Variants in RANBP2 observed in about 807,000 individuals in gnomAD.
The protein encoded by RANBP2 is RAN binding protein 2.
RANBP2 carries 57 observed loss-of-function variants against 303.6 expected under a neutral mutation model. The ratio of observed to expected loss-of-function variants is 0.19; its 90% CI spans 0.15 to 0.23. The LOEUF (loss-of-function observed/expected upper bound fraction) is 0.23, where lower values mean the gene tolerates loss of function less well. Among genes scored for constraint, RANBP2 ranks in the 10% least tolerant of loss-of-function variants. RANBP2 has a pLI of 1.00. For missense variants in RANBP2, 3,138 were observed against 3,780.8 expected (o/e 0.83, Z 4.46); for synonymous variants, 1,167 against 1,301.5 (o/e 0.90, Z 2.23).
At chr2:109,702,245 C>T in the RANBP2 span, among the ~76,000 whole-genome samples, 3 of 152,078 alleles carry the variant, frequency 2.0e-5, no homozygotes, top group African/African-American at 4.8e-5. Flanking sequence ...ATGTGGAAAG[C>T]CCTCTAGAGA....
In RANBP2 at chr2:108,772,477, T is replaced by C. The variant is rs1351807532; in HGVS notation, c.8021-12T>C. On this transcript the variant is annotated splice_polypyrimidine_tract_variant and intron_variant, in intron 21 of 28. Transcript: ENST00000283195. Reference sequence around the variant, plus strand: ...ATTAACTAGAAATTCTTTTAATCAATTGTATTTTAAGATGAAGATTTCGAA... The same window carrying C: ...ATTAACTAGAAATTCTTTTAATCAACTGTATTTTAAGATGAAGATTTCGAA... The C allele has an allele frequency of 3.1e-6, 5 of 1,605,870 alleles. No homozygotes were observed. The African/African-American group carries it at 4.0e-5, about 13-fold the overall frequency.
chr2:109,453,839 G>A, the RANBP2 span, among the ~76,000 whole-genome samples: 1 of 152,220 alleles, frequency 6.6e-6, no homozygotes, highest in Admixed American at 6.5e-5. Context: ...GGTCAGGGGA[G>A]ACTTCCCGGG....
At chr2:109,614,231 C>A in the RANBP2 span, 1 of 871,642 alleles carries the variant, frequency 1.1e-6, no homozygotes, top group Non-Finnish European at 1.5e-6. Context: ...CGAGGCCGCC[C>A]TAGGTAGGTG....
chr2:108,732,700 T>C (rs945916686), intron 4 of RANBP2, among the ~76,000 whole-genome samples: 17 of 152,246 alleles, frequency 1.1e-4, no homozygotes, highest in Admixed American at 5.2e-4. Flanking sequence ...CCTTTTGTAG[T>C]GATGCTATTT....
At chr2:108,835,420 T>TA in the RANBP2 span, among the ~76,000 whole-genome samples, 4 of 152,172 alleles carry the variant, frequency 2.6e-5, no homozygotes, top group East Asian at 1.9e-4. Flanking sequence ...CTATTTCTAA[T>TA]AAAAAAATTC....
the RANBP2 span, chr2:109,585,856 CA>C: frequency 2.0e-6 from 3 of 1,487,974 alleles, no homozygotes; most frequent in Non-Finnish European, 2.8e-6. Context: ...AAAATAAAAA[CA>C]AAAACAACAG....
the RANBP2 span, among the ~76,000 whole-genome samples, chr2:109,364,133 C>T: frequency 6.6e-6 from 1 of 150,986 alleles, no homozygotes; most frequent in Non-Finnish European, 1.5e-5. Flanking sequence ...TGAAGTTGTC[C>T]TGCAGTTCTT....
the RANBP2 span, among the ~76,000 whole-genome samples, chr2:109,109,920 C>T: frequency 1.3e-5 from 2 of 152,120 alleles, no homozygotes; most frequent in Non-Finnish European, 2.9e-5. Context: ...ATTGAGCACG[C>T]ACCCCCCACA....
At chr2:108,786,129 C>CA (rs5833303), downstream of RANBP2, among the ~76,000 whole-genome samples, 36,258 of 143,810 alleles carry the variant, frequency 0.25, 4,699 homozygotes, top group African/African-American at 0.34. Flanking sequence ...TTTTTCTTTT[C>CA]AAAAAAAAAA....
the RANBP2 span, among the ~76,000 whole-genome samples, chr2:109,611,208 T>C: frequency 6.6e-6 from 1 of 152,066 alleles, no homozygotes; most frequent in Non-Finnish European, 1.5e-5. Flanking sequence ...ATAACATAAA[T>C]GTAAAACATA....
At chr2:109,433,684 A>G in the RANBP2 span, among the ~76,000 whole-genome samples, 1 of 152,210 alleles carries the variant, frequency 6.6e-6, no homozygotes, top group Non-Finnish European at 1.5e-5. Context: ...TGACTTGAGC[A>G]GCTCTAGTTC....
At chr2:108,879,669 TG>T in the RANBP2 span, among the ~76,000 whole-genome samples, 1 of 152,312 alleles carries the variant, frequency 6.6e-6, no homozygotes, top group African/African-American at 2.4e-5. Flanking sequence ...CTTTGTGAGA[TG>T]GGTCTTTTAA....
Position 108,784,018 on chromosome 2 carries a change from T to A in RANBP2, c.*117T>A. 1 of 997,048 alleles carries A rather than the reference T, an allele frequency of 1.0e-6. No homozygotes were observed. Among genetic ancestry groups the A allele is most frequent in the Non-Finnish European group, 1.5e-6 (1 of 679,560 alleles). 61.8% of individuals were successfully genotyped at this position (997,048 alleles called of 1,614,324 possible). A position where few individuals can be genotyped will look rare whatever the true frequency, so the allele number is the denominator to read the frequency against. On this transcript the variant is annotated 3_prime_UTR_variant, in exon 29 of 29. Coordinates refer to ENST00000283195, the MANE Select transcript of RANBP2 (RefSeq NM_006267.5). ...AATGGACGTTTCCGATTTACAAATG[T>A]AAAATTGCAGCTTATAGCTGTTGTC...
Position 108,754,919 on chromosome 2 carries a change from G to A in RANBP2, c.2217G>A (p.Leu739=), listed in dbSNP as rs760543266. ...LSVVKKLPVP[L]ESVKEMLNSV... ...TTTATTTTTAGTTGCCTGTGCCCCT[G>A]GAGTCTGTAAAAGAGATGCTTAATT... Residue 739 remains leucine, a synonymous_variant, in exon 16 of 29, where the codon CTG becomes CTA. Transcript: ENST00000283195. 1.9e-6 allele frequency: 3 copies of A among 1,611,658 alleles called. No homozygotes were observed. In the East Asian group the frequency reaches 6.7e-5, roughly 36 times the overall value.
At chr2:108,974,248 T>C in the RANBP2 span, among the ~76,000 whole-genome samples, 3 of 134,364 alleles carry the variant, frequency 2.2e-5, no homozygotes, top group African/African-American at 5.8e-5. Flanking sequence ...GAGAATGGCA[T>C]GAACCCGGGA....
the RANBP2 span, among the ~76,000 whole-genome samples, chr2:109,090,551 T>A: frequency 6.6e-6 from 1 of 152,176 alleles, no homozygotes; most frequent in South Asian, 2.1e-4. Context: ...CTCCAGCTTC[T>A]GGAGCAAAAT....
At chr2:109,381,591 T>G in the RANBP2 span, among the ~76,000 whole-genome samples, 6 of 152,000 alleles carry the variant, frequency 3.9e-5, no homozygotes, top group African/African-American at 1.5e-4. Context: ...TCCCTTTCAC[T>G]TCTACCTTTC....
At chr2:108,824,658 G>A in the RANBP2 span, among the ~76,000 whole-genome samples, 2 of 152,128 alleles carry the variant, frequency 1.3e-5, no homozygotes, top group Non-Finnish European at 2.9e-5. Context: ...GTATAGTGTA[G>A]CAAATATGTA....
chr2:109,724,801 A>G, the RANBP2 span, among the ~76,000 whole-genome samples: 1 of 152,220 alleles, frequency 6.6e-6, no homozygotes, highest in Non-Finnish European at 1.5e-5. Context: ...TACAAAGATA[A>G]CAGAAGAGGG....
Sources: allele counts gnomAD v4.1 joint callset (sites outside exome capture counted in the v4.1 genomes callset), GRCh38; gene constraint gnomAD v4.1.1; transcripts MANE v1.5; gene names NCBI Gene and HGNC (gene_info 2026-07-23, HGNC 2026-07-21).